PTPRD: variants seen among roughly 807,000 people sequenced by gnomAD.
The protein encoded by PTPRD is receptor-type tyrosine-protein phosphatase delta.
In PTPRD, 34 loss-of-function variants were observed where a neutral mutation model predicts 214.5. The observed-to-expected ratio is 0.16, with a 90% CI of 0.12 to 0.21. PTPRD has a LOEUF of 0.21. Among genes scored for constraint, PTPRD ranks in the 10% least tolerant of loss-of-function variants. The pLI is 1.00. For missense variants in PTPRD, 2,545 were observed against 2,398.7 expected (o/e 1.06, Z -1.27); for synonymous variants, 1,128 against 845.7 (o/e 1.33, Z -5.79).
chr9:8,910,615 T>C (rs916420925), intron 11 of PTPRD, among the ~76,000 whole-genome samples: 1 of 152,056 alleles, frequency 6.6e-6, no homozygotes, highest in African/African-American at 2.4e-5. Flanking sequence ...GCAAATGTGC[T>C]CCCTCAACCT....
intron 7 of PTPRD, among the ~76,000 whole-genome samples, chr9:9,731,444 TAGAAA>T (rs2098190050): frequency 7.4e-6 from 1 of 134,692 alleles, no homozygotes; most frequent in Non-Finnish European, 1.6e-5. Flanking sequence ...CAAGCAATTC[TAGAAA>T]TGGAAATTTA....
At chr9:9,775,005 G>A (rs756285811) in intron 5 of PTPRD, among the ~76,000 whole-genome samples, 3 of 152,240 alleles carry the variant, frequency 2.0e-5, no homozygotes, top group Admixed American at 6.5e-5. Flanking sequence ...TCGAAATGTA[G>A]CATTAGTACC....
At chr9:9,423,217 C>T (rs1203528290) in intron 8 of PTPRD, among the ~76,000 whole-genome samples, 1 of 152,122 alleles carries the variant, frequency 6.6e-6, no homozygotes, top group Non-Finnish European at 1.5e-5. Context: ...CGAAATGAAG[C>T]CTTAACCCCC....
At chr9:10,391,220 A>G (rs2154491054) in intron 2 of PTPRD, among the ~76,000 whole-genome samples, 1 of 151,934 alleles carries the variant, frequency 6.6e-6, no homozygotes, top group East Asian at 2.0e-4. Flanking sequence ...AGAACAAAGA[A>G]GGCCAAGCTG....
At chr9:9,783,705 C>A (rs1028760320) in intron 5 of PTPRD, among the ~76,000 whole-genome samples, 2 of 152,052 alleles carry the variant, frequency 1.3e-5, no homozygotes, top group South Asian at 4.1e-4. Flanking sequence ...AGTTCCTCCC[C>A]TCCCAAGCCT....
chr9:9,438,963 A>T (rs915443420), intron 8 of PTPRD, among the ~76,000 whole-genome samples: 1 of 152,156 alleles, frequency 6.6e-6, no homozygotes, highest in Non-Finnish European at 1.5e-5. Context: ...CTGTGGTGTT[A>T]ATATGGAACT....
At chr9:10,591,969 TG>T (rs1358194089) in intron 2 of PTPRD, among the ~76,000 whole-genome samples, 1 of 152,130 alleles carries the variant, frequency 6.6e-6, no homozygotes, top group Admixed American at 6.5e-5. Flanking sequence ...TAAGAGATTC[TG>T]AGCTAGAATC....
intron 5 of PTPRD, among the ~76,000 whole-genome samples, chr9:9,828,164 A>C: frequency 6.6e-6 from 1 of 152,102 alleles, no homozygotes. Flanking sequence ...GTATATACCC[A>C]AAGGATTATA....
intron 8 of PTPRD, among the ~76,000 whole-genome samples, chr9:9,479,537 A>C (rs993864394): frequency 2.6e-5 from 4 of 152,142 alleles, no homozygotes; most frequent in African/African-American, 9.7e-5. Context: ...CAATTTTACA[A>C]GTACTAAAAA....
At chr9:10,604,152 T>C (rs887096212) in intron 2 of PTPRD, among the ~76,000 whole-genome samples, 5 of 55,806 alleles carry the variant, frequency 9.0e-5, no homozygotes, top group African/African-American at 2.8e-4. Flanking sequence ...AAGCCTGCCA[T>C]GGTGAGGACC....
chr9:9,906,707 G>C (rs138884800), intron 5 of PTPRD, among the ~76,000 whole-genome samples: 97 of 151,980 alleles, frequency 6.4e-4, no homozygotes, highest in African/African-American at 2.0e-3. Context: ...CAATTCATAG[G>C]AAAGGAAAAA....
At chr9:9,298,212 G>A (rs1433863655) in intron 9 of PTPRD, among the ~76,000 whole-genome samples, 1 of 151,574 alleles carries the variant, frequency 6.6e-6, no homozygotes, top group Non-Finnish European at 1.5e-5. Flanking sequence ...AAAGGTTTCA[G>A]AAATAGAATT....
At chr9:8,968,870 A>G (rs1349694324) in intron 11 of PTPRD, among the ~76,000 whole-genome samples, 2 of 152,102 alleles carry the variant, frequency 1.3e-5, no homozygotes, top group Admixed American at 1.3e-4. Context: ...TTTGTAAAAT[A>G]AGAATTAAAG....
chr9:10,297,215 T>A (rs1346617556), intron 3 of PTPRD, among the ~76,000 whole-genome samples: 1 of 151,226 alleles, frequency 6.6e-6, no homozygotes, highest in Non-Finnish European at 1.5e-5. Flanking sequence ...CCATGTTGTG[T>A]GCTGCAACTG....
chr9:8,701,229 C>T (rs2098076353), intron 12 of PTPRD: 1 of 152,092 alleles, frequency 6.6e-6, no homozygotes, highest in Admixed American at 6.6e-5. Flanking sequence ...GAATCTTTTC[C>T]ATTGCTCTGG....
intron 8 of PTPRD, among the ~76,000 whole-genome samples, chr9:9,473,154 A>T (rs930454186): frequency 1.3e-5 from 2 of 152,106 alleles, no homozygotes; most frequent in African/African-American, 4.8e-5. Flanking sequence ...AATATCCACA[A>T]TTCTACTCTC....
At chr9:9,466,232 C>T (rs2094144019) in intron 8 of PTPRD, among the ~76,000 whole-genome samples, 1 of 152,008 alleles carries the variant, frequency 6.6e-6, no homozygotes, top group African/African-American at 2.4e-5. Flanking sequence ...TTGCTTGGGC[C>T]TAGGAGGTTG....
intron 5 of PTPRD, among the ~76,000 whole-genome samples, chr9:9,796,517 G>A (rs1053793680): frequency 6.6e-6 from 1 of 152,114 alleles, no homozygotes. Flanking sequence ...CTAAAGCTAA[G>A]AAAGTAGATG....
intron 4 of PTPRD, among the ~76,000 whole-genome samples, chr9:9,984,339 A>C (rs1054700270): frequency 6.6e-6 from 1 of 152,188 alleles, no homozygotes; most frequent in Non-Finnish European, 1.5e-5. Context: ...ACTGGGAAAA[A>C]GTAGCCACAG....
Sources: allele counts gnomAD v4.1 joint callset (sites outside exome capture counted in the v4.1 genomes callset), GRCh38; gene constraint gnomAD v4.1.1; transcripts MANE v1.5; gene names NCBI Gene and HGNC (gene_info 2026-07-23, HGNC 2026-07-21).